SLF2: variants seen among roughly 807,000 people sequenced by gnomAD.
SLF2 encodes the protein SMC5/6 complex localization factor 2, also known as SMC5-SMC6 complex localization factor protein 2.
In SLF2, 68 loss-of-function variants were observed where a neutral mutation model predicts 124.3. That is an observed-to-expected ratio of 0.55 (90% CI 0.45 to 0.67). SLF2 has a LOEUF of 0.67. Among genes scored for constraint, SLF2 ranks in the 30% least tolerant of loss-of-function variants. The pLI is 0.00. For missense variants in SLF2, 1,246 were observed against 1,373.7 expected, an observed-to-expected ratio of 0.91 and a Z score of 1.47; for synonymous variants, 480 against 478.8, an observed-to-expected ratio of 1.00 and a Z score of -0.03.
At chr10:100,913,961 G>A in intron 1 of SLF2, 1 of 808,302 alleles carries the variant, frequency 1.2e-6, no homozygotes, top group Non-Finnish European at 1.5e-6. Context: ...TAATACTGTG[G>A]TACAGGCCCA....
intron 1 of SLF2, 53 bp from the exon 2 acceptor site, chr10:100,915,946 A>T: frequency 7.5e-7 from 1 of 1,327,190 alleles, no homozygotes; most frequent in South Asian, 1.2e-5. Flanking sequence ...AATCTGAGTT[A>T]TGAAGGTTTT....
chr10:100,959,322 TGA>T, intron 18 of SLF2, 104 bp from the exon 19 acceptor site: 1 of 939,292 alleles, frequency 1.1e-6, no homozygotes, highest in Non-Finnish European at 1.5e-6. Flanking sequence ...ATTGAGTTGT[TGA>T]GTGTGGGCCT....
intron 9 of SLF2, among the ~76,000 whole-genome samples, chr10:100,935,229 A>G (rs1172322678): frequency 6.6e-6 from 1 of 152,012 alleles, no homozygotes; most frequent in Non-Finnish European, 1.5e-5. Flanking sequence ...CCCAGTCTTT[A>G]CTAAAAATAC....
At chr10:100,945,243 C>T in intron 12 of SLF2, 87 bp from the exon 13 acceptor site, 3 of 1,143,116 alleles carry the variant, frequency 2.6e-6, no homozygotes, top group Non-Finnish European at 2.4e-6. Flanking sequence ...TTTTTTGCAT[C>T]TTTTGTCAAA....
Position 100,924,772 on chromosome 10 carries a change from A to G in SLF2, c.1771A>G (p.Ser591Gly). 6.2e-7 allele frequency: 1 copy of G among 1,614,164 alleles called. No individual in the cohort carries two copies. The highest frequency in any genetic ancestry group is 1.6e-4 in the Middle Eastern group (1 of 6,062). ...ESSGNSNAGS[S>G]ALKRKLRGDF... ...TTCAGGAAATTCCAATGCAGGTAGC[A>G]GTGCACTGAAAAGAAAACTAAGGGG... is the stretch of plus-strand genomic sequence containing the variant. Residue 591 changes from serine to glycine, a missense_variant, in exon 5 of 20, where the codon AGT becomes GGT. Coordinates refer to ENST00000238961, the MANE Select transcript of SLF2 (RefSeq NM_018121.4).
At chr10:100,925,096 A>C in intron 5 of SLF2, 124 bp downstream of exon 5, 5 of 1,021,220 alleles carry the variant, frequency 4.9e-6, no homozygotes, top group South Asian at 3.5e-5. Flanking sequence ...TTGTACTGAA[A>C]ATGGAATAAT....
At chr10:100,961,314 T>G (rs1174226527) in intron 19 of SLF2, among the ~76,000 whole-genome samples, 1 of 152,136 alleles carries the variant, frequency 6.6e-6, no homozygotes, top group Admixed American at 6.5e-5. Flanking sequence ...CTGGCTGATA[T>G]TCTGTAGTTC....
chr10:100,948,373 A>T (rs1850145290), intron 15 of SLF2, among the ~76,000 whole-genome samples: 1 of 152,210 alleles, frequency 6.6e-6, no homozygotes, highest in Non-Finnish European at 1.5e-5. Flanking sequence ...GCACACACCT[A>T]TCGTCCCAGC....
rs565247223 is a variant in SLF2 at position 100,918,398 on chromosome 10, C to A, written c.930C>A (p.Leu310=). 6.3e-7 allele frequency: 1 copy of A among 1,596,458 alleles called. No homozygotes were observed. Among genetic ancestry groups the A allele is most frequent in the African/African-American group, 1.3e-5 (1 of 74,162 alleles). The part of the protein sequence containing the change: ...NNLSNVENGH[L]SRKRSSSDSW... Reference sequence around the variant, plus strand: ...TGTGCTCATAGGAAAATGGACATCTCTCAAGAAAAAGATCCTCTTCTGATT... The same window carrying A: ...TGTGCTCATAGGAAAATGGACATCTATCAAGAAAAAGATCCTCTTCTGATT... The change falls in exon 4 of 20, where the codon CTC becomes CTA. Residue 310 remains leucine (L), a synonymous_variant. Coordinates refer to ENST00000238961, the MANE Select transcript of SLF2 (RefSeq NM_018121.4).
intron 4 of SLF2, among the ~76,000 whole-genome samples, chr10:100,922,194 T>C (rs1849534122): frequency 6.6e-6 from 1 of 152,210 alleles, no homozygotes; most frequent in Admixed American, 6.5e-5. Flanking sequence ...TCCTCCCACC[T>C]GAGCCTCCAA....
At chr10:100,953,811 C>T (rs1264274288) in intron 17 of SLF2, among the ~76,000 whole-genome samples, 1 of 152,066 alleles carries the variant, frequency 6.6e-6, no homozygotes, top group Non-Finnish European at 1.5e-5. Context: ...TGCCATGATG[C>T]TGGCCAATTT....
At chr10:100,934,770 G>A (rs1298136437) in intron 9 of SLF2, among the ~76,000 whole-genome samples, 1 of 150,448 alleles carries the variant, frequency 6.6e-6, no homozygotes. Flanking sequence ...CCACCACCAC[G>A]CCCAGCTAAT....
intron 4 of SLF2, among the ~76,000 whole-genome samples, chr10:100,920,956 AT>A (rs1849513977): frequency 6.6e-6 from 1 of 152,338 alleles, no homozygotes; most frequent in Admixed American, 6.5e-5. Context: ...CTCGAAAAAA[AT>A]AAATAAATAA....
At chr10:100,944,494 C>CAAAAAAA (rs34072572) in intron 12 of SLF2, among the ~76,000 whole-genome samples, 1 of 100,662 alleles carries the variant, frequency 9.9e-6, no homozygotes, top group South Asian at 3.3e-4. Flanking sequence ...GACTCTGTCT[C>CAAAAAAA]AAAAAAAAAA....
Position 100,916,737 on chromosome 10 carries a change from G to T in SLF2, c.352G>T (p.Gly118Cys). 6.3e-7 allele frequency: 1 copy of T among 1,578,054 alleles called. No individual in the cohort carries two copies. The highest frequency in any genetic ancestry group is 8.6e-7 in the Non-Finnish European group (1 of 1,167,074). The change falls in exon 3 of 20, where the codon GGT becomes TGT. Residue 118 changes from glycine to cysteine, a missense_variant. This residue lies in a region of SLF2 where 698 missense variants were observed against 708.9 expected (regional missense o/e 0.98). Transcript: ENST00000238961. ...CCCTATTATAGAAGCTTTCATGAAA[G>T]GTGTTAAAGAGCACCATGAAGATCA... Reference protein sequence around the residue: ...KSPIIEAFMKGVKEHHEDHGI... With the variant: ...KSPIIEAFMKCVKEHHEDHGI...
chr10:100,924,422 C>T lies in SLF2; in HGVS notation c.1421C>T (p.Pro474Leu), dbSNP rs750706508. The T allele has an allele frequency of 1.9e-6, 3 of 1,614,134 alleles. No individual in the cohort carries two copies. Among genetic ancestry groups the T allele is most frequent in the Middle Eastern group, 1.6e-4 (1 of 6,062 alleles). Residue 474 changes from proline to leucine, a missense_variant, in exon 5 of 20, where the codon CCT (proline) becomes CTT (leucine). By Grantham distance (98) the Pro-to-Leu change is moderately conservative. Coordinates refer to ENST00000238961, the MANE Select transcript of SLF2 (RefSeq NM_018121.4). Reference protein sequence around the residue: ...STTKEKETKLPLLSRVPSAGS... With the variant: ...STTKEKETKLLLLSRVPSAGS... Reference sequence around the variant, plus strand: ...ACAAAGGAGAAGGAGACAAAACTACCTTTACTTTCCCGTGTTCCAAGTGCT... The same window carrying T: ...ACAAAGGAGAAGGAGACAAAACTACTTTTACTTTCCCGTGTTCCAAGTGCT...
intron 11 of SLF2, 34 bp downstream of exon 11, chr10:100,938,770 A>G (rs779117287): frequency 6.4e-7 from 1 of 1,558,608 alleles, no homozygotes; most frequent in South Asian, 1.2e-5. Flanking sequence ...CGCCAAAAAT[A>G]TCATTTCGTA....
chr10:100,923,657 G>T (rs1231066850), intron 4 of SLF2, among the ~76,000 whole-genome samples: 1 of 152,020 alleles, frequency 6.6e-6, no homozygotes, highest in Non-Finnish European at 1.5e-5. Context: ...ATTTCCAGAA[G>T]TACCTATGGC....
rs1850181200 is a variant in SLF2 at position 100,950,080 on chromosome 10, C to T, written c.3125C>T (p.Ser1042Leu). The T allele has an allele frequency of 6.3e-7, 1 of 1,585,584 alleles. No homozygotes were observed. Among genetic ancestry groups the T allele is most frequent in the Non-Finnish European group, 8.6e-7 (1 of 1,166,248 alleles). Residue 1042 changes from serine (S) to leucine (L), a missense_variant, in exon 16 of 20, where the codon TCA becomes TTA. Physicochemically the swap from Ser to Leu is moderately radical, Grantham distance 145 (BLOSUM62 -2). This residue lies in a region of SLF2 where 535 missense variants were observed against 632.8 expected (regional missense o/e 0.85). Transcript: ENST00000238961. ...GTCTCCTCTTTCTTTTGATAGGTAT[C>T]AGTCCTACATCGCTATCTTGTGCAG... ...DVPNASNLQV[S>L]VLHRYLVQMK...
Sources: allele counts gnomAD v4.1 joint callset (sites outside exome capture counted in the v4.1 genomes callset), GRCh38; gene constraint gnomAD v4.1.1; regional missense constraint gnomAD v4.1.1; transcripts MANE v1.5; gene names NCBI Gene and HGNC (gene_info 2026-07-23, HGNC 2026-07-21).